The following SLC35A1 variants were observed in gnomAD, a reference collection of about 807,000 sequenced individuals.
The protein encoded by SLC35A1 is solute carrier family 35 member A1, also known as CMP-sialic acid transporter.
In SLC35A1, 21 loss-of-function variants were observed where a neutral mutation model predicts 40.3. That is an observed-to-expected ratio of 0.52 (90% CI 0.37 to 0.75). The LOEUF is 0.75. Ranked by LOEUF, SLC35A1 falls within the 30% of genes least tolerant of loss-of-function variation. The pLI is 0.00. For missense variants in SLC35A1, 297 were observed against 382.1 expected (o/e 0.78, Z 1.86); for synonymous variants, 146 against 147.3 (o/e 0.99, Z 0.06).
chr6:87,473,977 G>C (rs374390258), intron 1 of SLC35A1, among the ~76,000 whole-genome samples: 2 of 152,240 alleles, frequency 1.3e-5, no homozygotes, highest in Non-Finnish European at 2.9e-5. Context: ...CTGCCCAGGG[G>C]CATTGTCTTT....
Position 87,509,138 on chromosome 6 carries a change from C to T in SLC35A1, c.849C>T (p.Ser283=). The T allele has an allele frequency of 6.2e-7, 1 of 1,614,116 alleles. No homozygotes were observed. The highest frequency in any genetic ancestry group is 8.5e-7 in the Non-Finnish European group (1 of 1,179,980). The stretch of plus-strand genomic sequence containing the variant: ...CTGCAGCAGCGGCCATTGTCCTTTC[C>T]ACCATTGCTTCAGTAATGCTGTTTG... The part of the protein sequence containing the change: ...GFSAAAAIVL[S]TIASVMLFGL... Residue 283 remains serine, a synonymous_variant, in exon 7 of 8, where the codon TCC becomes TCT. Transcript: ENST00000369552.
intron 2 of SLC35A1, among the ~76,000 whole-genome samples, chr6:87,479,645 T>G (rs1442097514): frequency 1.3e-5 from 2 of 152,176 alleles, no homozygotes; most frequent in Non-Finnish European, 2.9e-5. Flanking sequence ...TCTGCTAATA[T>G]CATGTCTAAG....
intron 2 of SLC35A1, chr6:87,488,635 CTCAA>C (rs953529318): frequency 1.9e-4 from 29 of 152,300 alleles, no homozygotes; most frequent in African/African-American, 7.0e-4. Flanking sequence ...GTAGGTATAA[CTCAA>C]TCAAGTGTGC....
intron 2 of SLC35A1, chr6:87,488,483 C>T (rs569530912): frequency 6.6e-6 from 1 of 152,250 alleles, no homozygotes; most frequent in African/African-American, 2.4e-5. Context: ...AAAATTTGGA[C>T]AGTACAGAGA....
At chr6:87,506,492 G>C (rs375465368) in intron 5 of SLC35A1, 44 bp downstream of exon 5, 2 of 1,518,614 alleles carry the variant, frequency 1.3e-6, no homozygotes, top group Non-Finnish European at 1.8e-6. Context: ...CATATTTTTC[G>C]AAAACATCAA....
intron 1 of SLC35A1, 118 bp downstream of exon 1, chr6:87,473,137 C>T: frequency 4.9e-6 from 2 of 405,354 alleles, no homozygotes; most frequent in Non-Finnish European, 8.8e-6. Flanking sequence ...GCCTCTGGGG[C>T]CTGGCTGAGG....
chr6:87,493,847 G>A (rs1445000014), intron 2 of SLC35A1, among the ~76,000 whole-genome samples: 2 of 92,818 alleles, frequency 2.2e-5, no homozygotes, highest in African/African-American at 1.1e-4. Flanking sequence ...TATTTAACTT[G>A]AGATTCCCCC....
At chr6:87,488,107 G>A (rs1488971971) in intron 2 of SLC35A1, 2 of 152,116 alleles carry the variant, frequency 1.3e-5, no homozygotes, top group Non-Finnish European at 2.9e-5. Context: ...TTTTGGGTAG[G>A]TATAATTTAA....
intron 3 of SLC35A1, among the ~76,000 whole-genome samples, chr6:87,500,873 G>A (rs779923109): frequency 2.6e-5 from 4 of 151,318 alleles, no homozygotes; most frequent in East Asian, 1.9e-4. Flanking sequence ...TCAGCCTCCC[G>A]CGTAGCTGGG....
At chr6:87,488,201 T>C (rs770428051) in intron 2 of SLC35A1, 22 of 152,108 alleles carry the variant, frequency 1.4e-4, no homozygotes, top group Admixed American at 3.9e-4. Flanking sequence ...GCTAGAGATA[T>C]AAATTTGGGA....
At chr6:87,506,895 A>G (rs1195137654) in intron 5 of SLC35A1, 1 of 194,868 alleles carries the variant, frequency 5.1e-6, no homozygotes, top group Non-Finnish European at 1.1e-5. Context: ...GGAGCTATGG[A>G]GTAGGATCAT....
chr6:87,503,323 G>A (rs1267003743), intron 4 of SLC35A1, among the ~76,000 whole-genome samples: 5 of 152,276 alleles, frequency 3.3e-5, no homozygotes, highest in Non-Finnish European at 7.4e-5. Context: ...TGTTTCTAAC[G>A]TGGCTTATCT....
intron 6 of SLC35A1, 22 bp from the exon 7 acceptor site, chr6:87,509,019 T>C (rs751255690): frequency 5.6e-6 from 9 of 1,613,232 alleles, no homozygotes; most frequent in Non-Finnish European, 6.8e-6. Flanking sequence ...GTGATAAGAT[T>C]TTATTTCTCT....
intron 1 of SLC35A1, among the ~76,000 whole-genome samples, chr6:87,473,538 G>A (rs1768982161): frequency 6.6e-6 from 1 of 152,212 alleles, no homozygotes; most frequent in Non-Finnish European, 1.5e-5. Flanking sequence ...AAACAGCACT[G>A]AAATCGTAAC....
intron 5 of SLC35A1, 39 bp downstream of exon 5, chr6:87,506,487 T>G: frequency 6.3e-7 from 1 of 1,579,066 alleles, no homozygotes; most frequent in African/African-American, 1.3e-5. Context: ...TTTGTCATAT[T>G]TTTCGAAAAC....
At chr6:87,485,128 G>T (rs1481148233) in intron 2 of SLC35A1, among the ~76,000 whole-genome samples, 1 of 152,192 alleles carries the variant, frequency 6.6e-6, no homozygotes. Context: ...TTGGATGTCA[G>T]TGTTTTATTT....
rs552517345 is a variant in SLC35A1, at chr6:87,511,685, A to C, written c.*159A>C. On this transcript the variant is annotated 3_prime_UTR_variant, in exon 8 of 8. Transcript: ENST00000369552. Reference sequence around the variant, plus strand: ...AACAACAAACAAACGAAGCTATCTGAGTGAACTGCTAATACAGAAACTTAA... The same window carrying C: ...AACAACAAACAAACGAAGCTATCTGCGTGAACTGCTAATACAGAAACTTAA... The C allele has an allele frequency of 4.1e-5, 32 of 778,858 alleles. No individual in the cohort carries two copies. The highest frequency in any genetic ancestry group is 6.7e-5 in the Non-Finnish European group (30 of 447,034). The allele number at this position is 778,858 out of a possible 1,614,324, so 48.2% of individuals were successfully genotyped here.
At chr6:87,484,239 C>T (rs546616951) in intron 2 of SLC35A1, among the ~76,000 whole-genome samples, 32 of 152,200 alleles carry the variant, frequency 2.1e-4, no homozygotes, top group South Asian at 1.0e-3. Context: ...CACAAGGGGG[C>T]GGGGTGCACC....
Position 87,472,985 on chromosome 6 carries a change from G to GC in SLC35A1, c.-19_-18insC. On this transcript the variant is annotated 5_prime_UTR_variant, in exon 1 of 8. Transcript: ENST00000369552. ...CGGAGGGGGCGGGCGTCAGTTCCGC[G>GC]GGGGGCTGTCGGGGAACCATGGCTG... The GC allele has an allele frequency of 1.5e-6, 1 of 668,044 alleles. No individual in the cohort carries two copies. Among genetic ancestry groups the GC allele is most frequent in the Non-Finnish European group, 2.3e-6 (1 of 433,886 alleles). The allele number at this position is 668,044 out of a possible 1,614,324, so 41.4% of individuals were successfully genotyped here.
Sources: gnomAD v4.1 joint callset for allele counts (sites outside exome capture counted in the v4.1 genomes callset) on GRCh38, gnomAD v4.1.1 for gene constraint, MANE v1.5 for transcripts, NCBI Gene and HGNC (gene_info 2026-07-23, HGNC 2026-07-21) for gene names.